The following PDE11A variants were observed in gnomAD, a reference collection of about 807,000 sequenced individuals.
PDE11A encodes the protein phosphodiesterase 11A, also known as dual 3',5'-cyclic-AMP and -GMP phosphodiesterase 11A.
In PDE11A, 100 loss-of-function variants were observed where a neutral mutation model predicts 100.5. The observed-to-expected ratio is 1.00, with a 90% CI of 0.85 to 1.18. The LOEUF (loss-of-function observed/expected upper bound fraction) is 1.18, where lower values mean the gene tolerates loss of function less well. PDE11A is among the 50% of genes most tolerant of loss of function. PDE11A has a pLI of 0.00. For missense variants in PDE11A, 1,141 were observed against 1,152.6 expected, an observed-to-expected ratio of 0.99 and a Z score of 0.15; for synonymous variants, 381 against 420.8, an observed-to-expected ratio of 0.91 and a Z score of 1.16.
chr2:178,073,677 A>C (rs2087168035), upstream of PDE11A, among the ~76,000 whole-genome samples: 1 of 152,206 alleles, frequency 6.6e-6, no homozygotes, highest in African/African-American at 2.4e-5. Context: ...TATTATTATT[A>C]TTCTAAGGTG....
chr2:177,679,579 T>C (rs2080829605), intron 16 of PDE11A, among the ~76,000 whole-genome samples: 1 of 152,136 alleles, frequency 6.6e-6, no homozygotes, highest in African/African-American at 2.4e-5. Context: ...ACAGAAAATA[T>C]ATATTCATAT....
At chr2:178,008,655 G>A (rs2086240499) in intron 2 of PDE11A, among the ~76,000 whole-genome samples, 2 of 152,038 alleles carry the variant, frequency 1.3e-5, no homozygotes, top group African/African-American at 4.8e-5. Flanking sequence ...CTATTATCTG[G>A]CTGTGAGTCT....
At chr2:177,757,510 T>C (rs1036236183) in intron 10 of PDE11A, among the ~76,000 whole-genome samples, 1 of 152,230 alleles carries the variant, frequency 6.6e-6, no homozygotes, top group African/African-American at 2.4e-5. Flanking sequence ...TGTATAATGA[T>C]TGGTATCATG....
chr2:177,821,752 T>C (rs1172303705), intron 6 of PDE11A, among the ~76,000 whole-genome samples: 2 of 151,868 alleles, frequency 1.3e-5, no homozygotes, highest in Non-Finnish European at 2.9e-5. Context: ...TTTAAGTCTG[T>C]TTTCCTGACA....
intron 13 of PDE11A, among the ~76,000 whole-genome samples, chr2:177,710,225 G>A (rs1285537451): frequency 6.6e-6 from 1 of 152,104 alleles, no homozygotes; most frequent in African/African-American, 2.4e-5. Context: ...CTCTTACCGA[G>A]ATAGGAGGGA....
intron 2 of PDE11A, among the ~76,000 whole-genome samples, chr2:177,951,560 G>A (rs2085505555): frequency 6.6e-6 from 1 of 152,120 alleles, no homozygotes; most frequent in Non-Finnish European, 1.5e-5. Flanking sequence ...AGATTCCTGG[G>A]TCAGAGACAA....
intron 15 of PDE11A, among the ~76,000 whole-genome samples, chr2:177,695,034 T>C (rs931088933): frequency 6.6e-6 from 1 of 151,944 alleles, no homozygotes; most frequent in African/African-American, 2.4e-5. Flanking sequence ...CTGTCTTTCC[T>C]ATCGGATGCT....
In PDE11A at chr2:177,711,789, G is replaced by A. The variant is rs780131115; in HGVS notation, c.2133C>T (p.Thr711=). The A allele has an allele frequency of 5.7e-6, 9 of 1,592,368 alleles. No individual in the cohort carries two copies. The highest frequency in any genetic ancestry group is 7.8e-6 in the Non-Finnish European group (9 of 1,160,422). ...CLCHDLDHRG[T]NNAFQAKSGS... ...CTTACTTAGCTTGGAAGGCATTGTT[G>A]GTTCCCCTGTGGTCGAGGTCATGAC... The change falls in exon 13 of 20, where the codon ACC becomes ACT. Residue 711 remains threonine, a synonymous_variant. Coordinates refer to ENST00000286063, the MANE Select transcript of PDE11A (RefSeq NM_016953.4).
chr2:177,631,322 A>AAAAAAAAAAC lies in PDE11A; in HGVS notation c.2647-1761_2647-1760insGTTTTTTTTT, dbSNP rs1469522170. ...AAAAAAAAAAAAAACAAAAAAAAAA[A>AAAAAAAAAAC]CAACCTAGGCGTGGTGGCACATGCC... On this transcript the variant is annotated intron_variant, in intron 19 of 19. Coordinates refer to ENST00000286063, the MANE Select transcript of PDE11A (RefSeq NM_016953.4). 5.3e-4 allele frequency among the ~76,000 whole-genome samples: 9 copies of AAAAAAAAAAC among 16,852 alleles called. 2 individuals carry two copies. The highest frequency in any genetic ancestry group is 1.1e-3 in the Admixed American group (1 of 926). 11.1% of individuals were successfully genotyped at this position (16,852 alleles called of 152,430 possible).
intron 12 of PDE11A, among the ~76,000 whole-genome samples, chr2:177,723,768 A>G (rs376888581): frequency 2.0e-5 from 3 of 152,140 alleles, no homozygotes; most frequent in East Asian, 3.9e-4. Flanking sequence ...ACTGACTCTT[A>G]AAGAAATCTT....
At chr2:178,086,740 A>G (rs1187023274) in intron 2 of PDE11A, among the ~76,000 whole-genome samples, 3 of 152,216 alleles carry the variant, frequency 2.0e-5, no homozygotes, top group African/African-American at 7.2e-5. Flanking sequence ...GGTTGGATAG[A>G]CAACAGTCGT....
chr2:177,886,506 C>G (rs2084432512), intron 4 of PDE11A, among the ~76,000 whole-genome samples: 1 of 152,030 alleles, frequency 6.6e-6, no homozygotes, highest in Non-Finnish European at 1.5e-5. Context: ...CTTCTACAAC[C>G]AGAATTAATT....
In PDE11A at chr2:177,890,152, A is replaced by G. The variant is rs147200099; in HGVS notation, c.1302+7906T>C. 3.9e-3 allele frequency among the ~76,000 whole-genome samples: 594 copies of G among 152,358 alleles called. 2 individuals are homozygous for G. Among genetic ancestry groups the G allele is most frequent in the African/African-American group, 0.014 (576 of 41,584 alleles). ...TGCTTACTGTAAAGTCCAATATGAC[A>G]TAGATATTTTTGTGTAATGAATTAG... is the stretch of plus-strand genomic sequence containing the variant. On this transcript the variant is annotated intron_variant, in intron 4 of 19. Transcript: ENST00000286063.
At chr2:178,099,602 G>C (rs1397198265) in intron 2 of PDE11A, among the ~76,000 whole-genome samples, 1 of 152,136 alleles carries the variant, frequency 6.6e-6, no homozygotes, top group Non-Finnish European at 1.5e-5. Context: ...GAAAATAAGT[G>C]TTGGTTGAGA....
At chr2:177,892,258 A>G (rs2084541525) in intron 4 of PDE11A, among the ~76,000 whole-genome samples, 1 of 152,150 alleles carries the variant, frequency 6.6e-6, no homozygotes, top group Non-Finnish European at 1.5e-5. Flanking sequence ...TTATAAAATT[A>G]TATTTTTATA....
intron 13 of PDE11A, among the ~76,000 whole-genome samples, chr2:177,710,001 A>C (rs2081336493): frequency 1.3e-5 from 2 of 152,128 alleles, no homozygotes; most frequent in Admixed American, 6.5e-5. Context: ...AGAAGGAAAT[A>C]GAACTGAAGC....
At chr2:177,637,519 T>C (rs1162875125) in intron 19 of PDE11A, among the ~76,000 whole-genome samples, 1 of 152,016 alleles carries the variant, frequency 6.6e-6, no homozygotes, top group Non-Finnish European at 1.5e-5. Context: ...TGTGTTTTTG[T>C]CTCTTTGTAC....
intron 2 of PDE11A, among the ~76,000 whole-genome samples, chr2:177,958,657 A>T (rs1338427479): frequency 3.9e-5 from 6 of 152,222 alleles, no homozygotes; most frequent in Non-Finnish European, 1.5e-5. Context: ...CTCAAGGTGA[A>T]TTTCACCAGA....
intron 6 of PDE11A, among the ~76,000 whole-genome samples, chr2:177,824,491 C>T (rs1229419904): frequency 3.3e-5 from 5 of 152,192 alleles, no homozygotes; most frequent in Non-Finnish European, 7.3e-5. Flanking sequence ...GGCTTTACTG[C>T]ATCCATAATG....
Sources: allele counts gnomAD v4.1 joint callset (sites outside exome capture counted in the v4.1 genomes callset), GRCh38; gene constraint gnomAD v4.1.1; transcripts MANE v1.5; gene names NCBI Gene and HGNC (gene_info 2026-07-23, HGNC 2026-07-21).